Variants in NCAPH observed in about 807,000 individuals in gnomAD.
NCAPH encodes condensin complex subunit 2.
NCAPH carries 38 observed loss-of-function variants against 85.5 expected under a neutral mutation model. The observed-to-expected ratio is 0.44, with a 90% confidence interval of 0.34 to 0.58. NCAPH has a LOEUF of 0.58. Ranked by LOEUF, NCAPH falls within the 20% of genes least tolerant of loss-of-function variation. The pLI is 0.01. For missense variants in NCAPH, 789 were observed against 916.6 expected (o/e 0.86, Z 1.80); for synonymous variants, 301 against 335.1 (o/e 0.90, Z 1.11).
At chr2:96,355,314 TC>T (rs2104459256) in intron 9 of NCAPH, among the ~76,000 whole-genome samples, 1 of 152,238 alleles carries the variant, frequency 6.6e-6, no homozygotes, top group African/African-American at 2.4e-5. Context: ...GAGTGAACAG[TC>T]CCTCTGTTAA....
chr2:96,361,824 ATATATTTTT>A lies in NCAPH; in HGVS notation c.1587+1116_1587+1124del, dbSNP rs1208750990. The stretch of plus-strand genomic sequence containing the variant: ...TATATGTGTATATATATATATATAT[ATATATTTTT>A]TTTTTTTTTTCCCTGAATTGACTGA... On this transcript the variant is annotated intron_variant, in intron 12 of 17. Coordinates refer to ENST00000240423, the MANE Select transcript of NCAPH (RefSeq NM_015341.5). 1.7e-4 allele frequency among the ~76,000 whole-genome samples: 20 copies of A among 120,262 alleles called. No homozygotes were observed. The South Asian group carries it at 5.2e-3, about 32-fold the overall frequency. The allele number at this position is 120,262 out of a possible 152,430, so 78.9% of individuals were successfully genotyped here.
intron 1 of NCAPH, 41 bp downstream of exon 1, chr2:96,335,889 A>G: frequency 7.0e-7 from 1 of 1,436,894 alleles, no homozygotes; most frequent in Non-Finnish European, 9.1e-7. Context: ...AAGGGCCCCT[A>G]GCGAAGCAGT....
Position 96,341,897 on chromosome 2 carries a change from G to A in NCAPH, c.272+3G>A. The A allele has an allele frequency of 6.2e-7, 1 of 1,608,152 alleles. No individual in the cohort carries two copies. Among genetic ancestry groups the A allele is most frequent in the Non-Finnish European group, 8.5e-7 (1 of 1,178,096 alleles). ...TTATTGGCCTCCCCCTCCAGCAGGT[G>A]AGGTGCTCCTGGGCTGTTTCTCCTT... On this transcript the variant is annotated splice_donor_region_variant and intron_variant, in intron 2 of 17. Coordinates refer to ENST00000240423, the MANE Select transcript of NCAPH (RefSeq NM_015341.5).
intron 9 of NCAPH, among the ~76,000 whole-genome samples, chr2:96,357,243 A>G (rs1049380692): frequency 1.6e-4 from 25 of 152,214 alleles, no homozygotes; most frequent in Non-Finnish European, 1.5e-5. Flanking sequence ...GCTAAATTGA[A>G]GGAGGGACCC....
Position 96,342,102 on chromosome 2 carries a change from G to A in NCAPH, c.325G>A (p.Glu109Lys). 1 of 1,612,988 alleles carries A rather than the reference G, an allele frequency of 6.2e-7. No homozygotes were observed. Among genetic ancestry groups the A allele is most frequent in the Non-Finnish European group, 8.5e-7 (1 of 1,178,954 alleles). ...CAAGTTTACAAACACGCAGATTACGGAACATTACTCCACCTGTATCAAACT... is the reference window on the plus strand; with the variant it reads ...CAAGTTTACAAACACGCAGATTACGAAACATTACTCCACCTGTATCAAACT... Reference protein sequence around the residue: ...IPKFTNTQITEHYSTCIKLST... With the variant: ...IPKFTNTQITKHYSTCIKLST... Residue 109 changes from glutamate (E) to lysine (K), a missense_variant, in exon 3 of 18, where the codon GAA (glutamate) becomes AAA (lysine). Physicochemically the swap from Glu to Lys is moderately conservative, Grantham distance 56. Coordinates refer to ENST00000240423, the MANE Select transcript of NCAPH (RefSeq NM_015341.5).
At chr2:96,342,714 AGG>A (rs1241874872) in intron 3 of NCAPH, 40 bp from the exon 4 acceptor site, 1 of 1,464,580 alleles carries the variant, frequency 6.8e-7, no homozygotes, top group African/African-American at 1.4e-5. Context: ...ACATGAGCCT[AGG>A]CTATAAATAA....
chr2:96,360,733 T>G, intron 12 of NCAPH, 23 bp downstream of exon 12: 1 of 1,613,614 alleles, frequency 6.2e-7, no homozygotes, highest in Non-Finnish European at 8.5e-7. Flanking sequence ...CTTGGTTCCT[T>G]TAAGCACACA....
intron 15 of NCAPH, among the ~76,000 whole-genome samples, chr2:96,368,561 G>A (rs902113136): frequency 6.6e-6 from 1 of 152,232 alleles, no homozygotes; most frequent in South Asian, 2.1e-4. Context: ...GGAGGCTGAG[G>A]CAGGAGAATT....
chr2:96,360,432 A>G (rs974308477), intron 11 of NCAPH, among the ~76,000 whole-genome samples, 156 bp from the exon 12 acceptor site: 1 of 152,230 alleles, frequency 6.6e-6, no homozygotes, highest in Non-Finnish European at 1.5e-5. Context: ...TTTAGAATAA[A>G]AAGAATAATG....
Position 96,344,018 on chromosome 2 carries a change from C to T in NCAPH, c.596-87C>T, listed in dbSNP as rs556515188. 79 of 1,504,062 alleles carry T rather than the reference C, an allele frequency of 5.3e-5. No individual in the cohort carries two copies. In the African/African-American group the frequency reaches 6.1e-4, roughly 12 times the overall value. The allele number at this position is 1,504,062 out of a possible 1,614,324, so 93.2% of individuals were successfully genotyped here. A position where few individuals can be genotyped will look rare whatever the true frequency, so the allele number is the denominator to read the frequency against. On this transcript the variant is annotated intron_variant, in intron 5 of 17. Transcript: ENST00000240423. ...CACCTGGCCTCACATGTTTAAATTA[C>T]GACAGGTTTTGAAGAACTTGAGTTA...
chr2:96,357,640 G>T (rs1009748802), intron 9 of NCAPH, among the ~76,000 whole-genome samples: 1 of 152,126 alleles, frequency 6.6e-6, no homozygotes, highest in Admixed American at 6.6e-5. Context: ...ATCAGATTCT[G>T]TTACAGCACT....
rs768940703 is a variant in NCAPH, at chr2:96,369,407, T to G, written c.2091-18T>G. The G allele has an allele frequency of 7.5e-6, 12 of 1,609,846 alleles. No homozygotes were observed. The Admixed American group carries it at 8.3e-5, about 11-fold the overall frequency. Reference sequence around the variant, plus strand: ...TAACAGTTGGCAGTGACCTAAATACTTGCCCCTTTCTTTCCAGCCTGCCCC... The same window carrying G: ...TAACAGTTGGCAGTGACCTAAATACGTGCCCCTTTCTTTCCAGCCTGCCCC... On this transcript the variant is annotated intron_variant, in intron 16 of 17. Coordinates refer to ENST00000240423, the MANE Select transcript of NCAPH (RefSeq NM_015341.5).
chr2:96,353,190 A>G, intron 7 of NCAPH, 116 bp from the exon 8 acceptor site: 1 of 787,096 alleles, frequency 1.3e-6, no homozygotes, highest in Non-Finnish European at 2.1e-6. Context: ...TTGCTGGAGG[A>G]CAGTGAGGTA....
At chr2:96,372,695 G>A (rs2064789898) in intron 17 of NCAPH, among the ~76,000 whole-genome samples, 1 of 152,040 alleles carries the variant, frequency 6.6e-6, no homozygotes, top group Non-Finnish European at 1.5e-5. Context: ...AACTGTTGGT[G>A]GTACTGCAGT....
At chr2:96,360,457 T>C in intron 11 of NCAPH, 131 bp from the exon 12 acceptor site, 1 of 1,157,070 alleles carries the variant, frequency 8.6e-7, no homozygotes, top group Non-Finnish European at 1.2e-6. Flanking sequence ...CAAAATCACT[T>C]TTTTACATAG....
intron 1 of NCAPH, among the ~76,000 whole-genome samples, chr2:96,340,383 C>CT (rs908160989): frequency 0.025 from 2,298 of 91,184 alleles, 29 homozygotes; most frequent in Non-Finnish European, 0.031. Flanking sequence ...TAATAAGCAT[C>CT]TTTTTTTTTT....
chr2:96,351,538 G>A (rs1218946347), intron 6 of NCAPH, among the ~76,000 whole-genome samples: 1 of 152,040 alleles, frequency 6.6e-6, no homozygotes, highest in African/African-American at 2.4e-5. Context: ...ATGTAGTGGT[G>A]CGTACCTGTA....
At chr2:96,360,769 C>G in intron 12 of NCAPH, 59 bp downstream of exon 12, 2 of 1,591,558 alleles carry the variant, frequency 1.3e-6, no homozygotes, top group Non-Finnish European at 1.7e-6. Flanking sequence ...GATAGTATGA[C>G]AGTTAGGCAG....
intron 15 of NCAPH, among the ~76,000 whole-genome samples, chr2:96,368,087 C>T (rs569521710): frequency 1.3e-5 from 2 of 152,318 alleles, no homozygotes; most frequent in East Asian, 3.9e-4. Context: ...GAAAGGAAGT[C>T]TCAGTTAATT....
Sources: gnomAD v4.1 joint callset for allele counts (sites outside exome capture counted in the v4.1 genomes callset) on GRCh38, gnomAD v4.1.1 for gene constraint, MANE v1.5 for transcripts, NCBI Gene and HGNC (gene_info 2026-07-23, HGNC 2026-07-21) for gene names.